The following KBTBD11 variants were observed in gnomAD, a reference collection of about 807,000 sequenced individuals.
KBTBD11 encodes the protein kelch repeat and BTB domain containing 11.
For synonymous variants in KBTBD11, 747 were observed against 499.0 expected (o/e 1.50, Z -6.63); for missense variants, 1,390 against 1,001.8 (o/e 1.39, Z -5.23).
At position 2,003,918 on chromosome 8, in the gene KBTBD11, T is replaced by G. The variant is rs1817492540; in HGVS notation, c.*854T>G. The G allele has an allele frequency of 6.0e-6, 1 of 166,930 alleles. No individual in the cohort carries two copies. Among genetic ancestry groups the G allele is most frequent in the Non-Finnish European group, 1.5e-5 (1 of 68,110 alleles). The allele number at this position is 166,930 out of a possible 1,614,324, so 10.3% of individuals were successfully genotyped here. A position where few individuals can be genotyped will look rare whatever the true frequency, so the allele number is the denominator to read the frequency against. ...TAAAAAGCAATCTTTGATAGTCCAC[T>G]CTGTATGCCCAGCCGCTTTCATAAT... On this transcript the variant is annotated 3_prime_UTR_variant, in exon 2 of 2. Transcript: ENST00000320248.
rs1002869636 is a variant in KBTBD11 at position 1,973,817 on chromosome 8, C to G, written c.-1027C>G. On this transcript the variant is annotated 5_prime_UTR_variant, in exon 1 of 2. Coordinates refer to ENST00000320248, the MANE Select transcript of KBTBD11 (RefSeq NM_014867.3). ...GAGGAGCAGCTCCCGCTCGCAGGTG[C>G]TCGGAGAGGCCGGGCCGCGGCTCCC... 1 of 983,402 alleles carries G rather than the reference C, an allele frequency of 1.0e-6. No homozygotes were observed. The highest frequency in any genetic ancestry group is 6.2e-5 in the Admixed American group (1 of 16,106). The allele number at this position is 983,402 out of a possible 1,614,324, so 60.9% of individuals were successfully genotyped here.
Position 2,002,921 on chromosome 8 carries a change from C to A in KBTBD11, c.1729C>A (p.Arg577=). 1.5e-6 allele frequency: 2 copies of A among 1,321,754 alleles called. No individual in the cohort carries two copies. The highest frequency in any genetic ancestry group is 1.9e-6 in the Non-Finnish European group (2 of 1,039,082). The allele number at this position is 1,321,754 out of a possible 1,614,324, so 81.9% of individuals were successfully genotyped here. ...GGGCACCTGGCGCTTCCAGCCTGCC[C>A]GGGAAGGCGAGGCCGGCGGCGACGC... ...RAGTWRFQPA[R]EGEAGGDAGQ... The change falls in exon 2 of 2, where the codon CGG becomes AGG. Residue 577 remains arginine, a synonymous_variant. Transcript: ENST00000320248. This position sits in a 1 kb window ranked among gnomAD's most constrained non-coding sequence, Gnocchi z 4.1.
At chr8:1,996,356 C>T (rs1252914720) in intron 1 of KBTBD11, among the ~76,000 whole-genome samples, 5 of 152,084 alleles carry the variant, frequency 3.3e-5, no homozygotes, top group Non-Finnish European at 5.9e-5. Flanking sequence ...AACCTCCGCC[C>T]CCTGGGTTCA....
chr8:1,997,876 A>G (rs1817202064), intron 1 of KBTBD11, among the ~76,000 whole-genome samples: 2 of 152,242 alleles, frequency 1.3e-5, no homozygotes, highest in Non-Finnish European at 2.9e-5. Context: ...GGCGGCAACG[A>G]CAGAATACGA....
At chr8:1,979,619 ACT>A (rs1170111412) in intron 1 of KBTBD11, among the ~76,000 whole-genome samples, 1 of 152,162 alleles carries the variant, frequency 6.6e-6, no homozygotes, top group African/African-American at 2.4e-5. Context: ...ACAGAGTGAG[ACT>A]CTGTCTCAAA....
Position 2,002,798 on chromosome 8 carries a change from C to A in KBTBD11, c.1606C>A (p.Pro536Thr), listed in dbSNP as rs1274899272. ...RYHCLAKQWS[P>T]CVAPLRLPGG... ...CCACTGCCTGGCCAAGCAGTGGAGC[C>A]CGTGCGTCGCGCCCCTGCGCCTCCC... The change falls in exon 2 of 2, where the codon CCG becomes ACG. Residue 536 changes from proline to threonine, a missense_variant. Physicochemically the swap from Pro to Thr is conservative, Grantham distance 38 (BLOSUM62 -1). Coordinates refer to ENST00000320248, the MANE Select transcript of KBTBD11 (RefSeq NM_014867.3). This position sits in a 1 kb window ranked among gnomAD's most constrained non-coding sequence, Gnocchi z 4.1. 5.0e-5 allele frequency: 72 copies of A among 1,452,292 alleles called. No individual in the cohort carries two copies. The highest frequency in any genetic ancestry group is 6.2e-5 in the Non-Finnish European group (69 of 1,110,926). The allele number at this position is 1,452,292 out of a possible 1,614,324, so 90.0% of individuals were successfully genotyped here.
Position 2,002,671 on chromosome 8 carries a change from C to G in KBTBD11, c.1479C>G (p.Ala493=), listed in dbSNP as rs773305502. ...GCAGCAGCAGCCGCGAGCGCTCGGC[C>G]GACATGGTGGCTCTCGACGGCTTCA... ...CPCSSSRERS[A]DMVALDGFIY... The change falls in exon 2 of 2, where the codon GCC becomes GCG. Residue 493 remains alanine, a synonymous_variant. Coordinates refer to ENST00000320248, the MANE Select transcript of KBTBD11 (RefSeq NM_014867.3). The surrounding 1 kb of genome is among the most constrained non-coding windows in gnomAD (Gnocchi z 4.1). The G allele has an allele frequency of 4.5e-6, 7 of 1,570,116 alleles. No homozygotes were observed. The East Asian group carries it at 1.6e-4, about 37-fold the overall frequency.
At position 1,973,944 on chromosome 8, in the gene KBTBD11, G is replaced by C; in HGVS notation, c.-909+9G>C. On this transcript the variant is annotated intron_variant, in intron 1 of 1. Transcript: ENST00000320248. ...AGAGGAGCCGCGGCGAGGTAGGGCGGACCCCGGGGAGGCAGCGGCGGGGCC... is the reference window on the plus strand; with the variant it reads ...AGAGGAGCCGCGGCGAGGTAGGGCGCACCCCGGGGAGGCAGCGGCGGGGCC... 1 of 982,518 alleles carries C rather than the reference G, an allele frequency of 1.0e-6. No individual in the cohort carries two copies. Among genetic ancestry groups the C allele is most frequent in the Non-Finnish European group, 1.2e-6 (1 of 828,436 alleles). 60.9% of individuals were successfully genotyped at this position (982,518 alleles called of 1,614,324 possible).
Position 2,001,650 on chromosome 8 carries a change from C to G in KBTBD11, c.458C>G (p.Ala153Gly). The G allele has an allele frequency of 6.8e-7, 1 of 1,477,846 alleles. No individual in the cohort carries two copies. Among genetic ancestry groups the G allele is most frequent in the South Asian group, 1.3e-5 (1 of 78,778 alleles). The allele number at this position is 1,477,846 out of a possible 1,614,324, so 91.5% of individuals were successfully genotyped here. Residue 153 changes from alanine (A) to glycine (G), a missense_variant, in exon 2 of 2, where the codon GCG (alanine) becomes GGG (glycine). Physicochemically the swap from Ala to Gly is moderately conservative, Grantham distance 60. Transcript: ENST00000320248. ...GAGGTGTCGGGGCGCCGGCTGCGCGCGCACAAGGCGGTGCTGGCGGCGCGC... is the reference window on the plus strand; with the variant it reads ...GAGGTGTCGGGGCGCCGGCTGCGCGGGCACAAGGCGGTGCTGGCGGCGCGC... ...VLEVSGRRLR[A>G]HKAVLAARSD...
intron 1 of KBTBD11, among the ~76,000 whole-genome samples, chr8:1,977,545 A>G (rs1353856760): frequency 2.0e-5 from 3 of 151,968 alleles, no homozygotes; most frequent in Non-Finnish European, 4.4e-5. Context: ...ATATTTTGAG[A>G]TGGAGTCTGG....
chr8:1,978,398 G>A (rs1459747514), intron 1 of KBTBD11, among the ~76,000 whole-genome samples: 4 of 152,254 alleles, frequency 2.6e-5, no homozygotes, highest in East Asian at 3.8e-4. Context: ...CTGACTTGCT[G>A]CCTGAGGCTT....
At chr8:1,999,833 A>C (rs1356483387) in intron 1 of KBTBD11, among the ~76,000 whole-genome samples, 4 of 152,252 alleles carry the variant, frequency 2.6e-5, no homozygotes, top group Admixed American at 2.6e-4. Flanking sequence ...ACTGAAAGAA[A>C]ACTTGTGATC....
Position 2,000,993 on chromosome 8 carries a change from C to T in KBTBD11, c.-200C>T. Reference sequence around the variant, plus strand: ...CCCCTCCTCGCTGGAGAGGAGAGGGCAAAGGCGAGGCGGGGGAGCAGCGTG... The same window carrying T: ...CCCCTCCTCGCTGGAGAGGAGAGGGTAAAGGCGAGGCGGGGGAGCAGCGTG... On this transcript the variant is annotated 5_prime_UTR_variant, in exon 2 of 2. It introduces an in-frame stop codon into an upstream open reading frame of the 5' UTR. Coordinates refer to ENST00000320248, the MANE Select transcript of KBTBD11 (RefSeq NM_014867.3). 1.5e-6 allele frequency: 1 copy of T among 653,302 alleles called. No individual in the cohort carries two copies. Among genetic ancestry groups the T allele is most frequent in the Non-Finnish European group, 2.2e-6 (1 of 459,330 alleles). The allele number at this position is 653,302 out of a possible 1,614,324, so 40.5% of individuals were successfully genotyped here.
At chr8:1,981,147 G>A (rs1816527699) in intron 1 of KBTBD11, among the ~76,000 whole-genome samples, 1 of 152,150 alleles carries the variant, frequency 6.6e-6, no homozygotes, top group African/African-American at 2.4e-5. Flanking sequence ...TCGAAGTGCT[G>A]AAGGAAATAA....
intron 1 of KBTBD11, among the ~76,000 whole-genome samples, chr8:1,979,713 G>T (rs1816475297): frequency 6.6e-6 from 1 of 152,154 alleles, no homozygotes; most frequent in Admixed American, 6.5e-5. Flanking sequence ...ACACATAAAA[G>T]TACCTATCAT....
At chr8:1,991,208 C>T (rs1245842914) in intron 1 of KBTBD11, among the ~76,000 whole-genome samples, 3 of 152,242 alleles carry the variant, frequency 2.0e-5, no homozygotes, top group East Asian at 1.9e-4. Flanking sequence ...CCTTGGGAGG[C>T]ACTCCTCCCT....
intron 1 of KBTBD11, among the ~76,000 whole-genome samples, chr8:1,997,025 TC>T (rs1189962321): frequency 6.6e-6 from 1 of 152,118 alleles, no homozygotes; most frequent in African/African-American, 2.4e-5. Context: ...CCCCGTGCCT[TC>T]CATGGAAACT....
chr8:2,006,274 G>A lies in KBTBD11; in HGVS notation c.*3210G>A, dbSNP rs1052794156. On this transcript the variant is annotated 3_prime_UTR_variant, in exon 2 of 2. Transcript: ENST00000320248. ...CCTGTAAACGATTTGGAAATAGGAT[G>A]TTTTCAACGTTCTTTTGTCTTTTGC... The A allele has an allele frequency of 3.6e-5, 6 of 167,052 alleles. No individual in the cohort carries two copies. Among genetic ancestry groups the A allele is most frequent in the Admixed American group, 2.6e-4 (4 of 15,286 alleles). The allele number at this position is 167,052 out of a possible 1,614,324, so 10.3% of individuals were successfully genotyped here.
At chr8:1,986,494 A>G (rs1054538923) in intron 1 of KBTBD11, among the ~76,000 whole-genome samples, 5 of 152,212 alleles carry the variant, frequency 3.3e-5, no homozygotes, top group African/African-American at 4.8e-5. Context: ...AATCTTGGAC[A>G]AGTCTCTCTT....
Sources: allele counts gnomAD v4.1 joint callset (sites outside exome capture counted in the v4.1 genomes callset), GRCh38; gene constraint gnomAD v4.1.1; non-coding constraint Gnocchi (gnomAD v3.1); transcripts MANE v1.5; gene names NCBI Gene and HGNC (gene_info 2026-07-23, HGNC 2026-07-21).